COLEC12: variants seen among roughly 807,000 people sequenced by gnomAD.
COLEC12 encodes collectin subfamily member 12, also known as collectin-12.
A neutral mutation model predicts 71.1 loss-of-function variants in COLEC12; 33 were observed. That is an observed-to-expected ratio of 0.46 (90% CI 0.35 to 0.62). The LOEUF is 0.62. COLEC12 is among the 20% of genes least tolerant of loss of function. The pLI is 0.00. For synonymous variants in COLEC12, 350 were observed against 353.0 expected (o/e 0.99, Z 0.10); for missense variants, 765 against 916.1 (o/e 0.84, Z 2.13).
intron 1 of COLEC12, among the ~76,000 whole-genome samples, chr18:481,654 A>C (rs1399792215): frequency 1.3e-5 from 2 of 152,172 alleles, no homozygotes; most frequent in African/African-American, 4.8e-5. Context: ...CAGTGAGCTA[A>C]GATCGTGCCA....
At chr18:390,431 A>T (rs1229952067) in intron 2 of COLEC12, among the ~76,000 whole-genome samples, 3 of 152,212 alleles carry the variant, frequency 2.0e-5, no homozygotes, top group African/African-American at 7.2e-5. Context: ...GCTAAGGATC[A>T]TTCAGCAAAT....
chr18:471,281 T>C (rs538765171), intron 2 of COLEC12, among the ~76,000 whole-genome samples: 1 of 55,644 alleles, frequency 1.8e-5, no homozygotes, highest in Admixed American at 1.8e-4. Flanking sequence ...AATTTCACAA[T>C]GTTTCATTGT....
chr18:444,419 A>G (rs1916606404), intron 2 of COLEC12, among the ~76,000 whole-genome samples: 1 of 152,214 alleles, frequency 6.6e-6, no homozygotes. Flanking sequence ...AAAACCAATG[A>G]CATAACTGAA....
intron 2 of COLEC12, among the ~76,000 whole-genome samples, chr18:441,230 A>C (rs926061427): frequency 6.6e-6 from 1 of 151,808 alleles, no homozygotes; most frequent in Non-Finnish European, 1.5e-5. Flanking sequence ...CCTGGGCGAC[A>C]GAGCGAGACT....
At chr18:456,532 C>T (rs1257427090) in intron 2 of COLEC12, among the ~76,000 whole-genome samples, 1 of 152,182 alleles carries the variant, frequency 6.6e-6, no homozygotes, top group South Asian at 2.1e-4. Flanking sequence ...ATGACTTCTG[C>T]GTTACCGACG....
intron 2 of COLEC12, chr18:423,630 A>G (rs1402218451): frequency 1.3e-5 from 2 of 152,244 alleles, no homozygotes; most frequent in Admixed American, 1.3e-4. Context: ...TTGAGAAACC[A>G]GTAAATGAGA....
At chr18:441,782 A>C (rs761061846) in intron 2 of COLEC12, among the ~76,000 whole-genome samples, 13 of 151,956 alleles carry the variant, frequency 8.6e-5, no homozygotes, top group Non-Finnish European at 1.6e-4. Flanking sequence ...AGATCGCTTG[A>C]GCTCAGGAGT....
intron 2 of COLEC12, among the ~76,000 whole-genome samples, chr18:377,099 A>G (rs1915130923): frequency 6.6e-6 from 1 of 152,166 alleles, no homozygotes. Flanking sequence ...GAAAGGGAAG[A>G]GGGGACGGAG....
intron 2 of COLEC12, among the ~76,000 whole-genome samples, chr18:455,827 C>G (rs1448267455): frequency 6.6e-6 from 1 of 152,188 alleles, no homozygotes; most frequent in Non-Finnish European, 1.5e-5. Flanking sequence ...GACATGATCT[C>G]ATTCTTTTTT....
In COLEC12 at chr18:429,380, TTTTC is replaced by T. The variant is rs1174529817; in HGVS notation, c.58+51323_58+51326del. Among the ~76,000 whole-genome samples, 4 of 146,448 alleles carry T rather than the reference TTTTC, an allele frequency of 2.7e-5. No homozygotes were observed. The East Asian group carries it at 5.8e-4, about 21-fold the overall frequency. Reference sequence around the variant, plus strand: ...ACTATTTTTTTTCATGTAATTCTTTTTTTCTTTCTTTTTTTTTTTAAGACAGTGT... The same window carrying T: ...ACTATTTTTTTTCATGTAATTCTTTTTTTCTTTTTTTTTTTAAGACAGTGT... On this transcript the variant is annotated intron_variant, in intron 2 of 9. Transcript: ENST00000400256.
chr18:390,902 G>A (rs1915449916), intron 2 of COLEC12, among the ~76,000 whole-genome samples: 1 of 152,146 alleles, frequency 6.6e-6, no homozygotes, highest in Non-Finnish European at 1.5e-5. Context: ...ACGGGCACAG[G>A]GACACTCCTT....
At chr18:411,048 G>A (rs1567899778) in intron 2 of COLEC12, among the ~76,000 whole-genome samples, 1 of 152,070 alleles carries the variant, frequency 6.6e-6, no homozygotes, top group Non-Finnish European at 1.5e-5. Flanking sequence ...CACCCCTACT[G>A]CGCTATCAAA....
intron 2 of COLEC12, among the ~76,000 whole-genome samples, chr18:384,598 T>C (rs1915304305): frequency 6.6e-6 from 1 of 152,220 alleles, no homozygotes; most frequent in Non-Finnish European, 1.5e-5. Context: ...GTTAAAAGAA[T>C]GTGCAACCTA....
In COLEC12 at chr18:399,970, G is replaced by A. The variant is rs992366541; in HGVS notation, c.59-42448C>T. Among the ~76,000 whole-genome samples the A allele has an allele frequency of 2.6e-5, 4 of 152,200 alleles. No individual in the cohort carries two copies. The highest frequency in any genetic ancestry group is 6.5e-5 in the Admixed American group (1 of 15,270). On this transcript the variant is annotated intron_variant, in intron 2 of 9. Coordinates refer to ENST00000400256, the MANE Select transcript of COLEC12 (RefSeq NM_130386.3). The surrounding 1 kb of genome is among the most constrained non-coding windows in gnomAD (Gnocchi z 4.0). Reference sequence around the variant, plus strand: ...GGGCGGGTGGGGGATAGTGACTGAAGAGGCTGTATTTATTGGGAGTGTATA... The same window carrying A: ...GGGCGGGTGGGGGATAGTGACTGAAAAGGCTGTATTTATTGGGAGTGTATA...
chr18:331,941 T>C (rs1913993088), intron 7 of COLEC12, among the ~76,000 whole-genome samples, 164 bp from the exon 8 acceptor site: 1 of 152,186 alleles, frequency 6.6e-6, no homozygotes, highest in Non-Finnish European at 1.5e-5. Context: ...ACTTGCTTTG[T>C]TTTGTGCTGT....
chr18:371,657 G>A (rs1017994544), intron 2 of COLEC12, among the ~76,000 whole-genome samples: 2 of 152,118 alleles, frequency 1.3e-5, no homozygotes, highest in Non-Finnish European at 2.9e-5. Context: ...AGAAAGGGGA[G>A]CTGCGGCAAC....
intron 2 of COLEC12, among the ~76,000 whole-genome samples, chr18:368,820 C>T (rs1331553227): frequency 3.9e-5 from 6 of 152,188 alleles, no homozygotes; most frequent in South Asian, 2.1e-4. Flanking sequence ...GAGCCGAGAT[C>T]ACGTCACTGC....
At chr18:323,604 C>T (rs748531611) in intron 8 of COLEC12, among the ~76,000 whole-genome samples, 4 of 152,186 alleles carry the variant, frequency 2.6e-5, no homozygotes, top group Admixed American at 6.5e-5. Flanking sequence ...TAACTCTTTT[C>T]ACCTTGTGAG....
At chr18:385,947 T>C (rs1248302746) in intron 2 of COLEC12, among the ~76,000 whole-genome samples, 1 of 152,160 alleles carries the variant, frequency 6.6e-6, no homozygotes, top group Non-Finnish European at 1.5e-5. Flanking sequence ...AATAAAATCT[T>C]TGGGAGAGTA....
Sources: gnomAD v4.1 joint callset for allele counts (sites outside exome capture counted in the v4.1 genomes callset) on GRCh38, gnomAD v4.1.1 for gene constraint, Gnocchi (gnomAD v3.1) non-coding constraint, MANE v1.5 for transcripts, NCBI Gene and HGNC (gene_info 2026-07-23, HGNC 2026-07-21) for gene names.